C6: variants seen among roughly 807,000 people sequenced by gnomAD.
The protein encoded by C6 is complement component C6.
In C6, 101 loss-of-function variants were observed where a neutral mutation model predicts 112.9. The observed-to-expected ratio is 0.89, with a 90% CI of 0.76 to 1.06. The LOEUF is 1.06. Ranked by LOEUF, C6 falls within the 50% of genes least tolerant of loss-of-function variation. The pLI is 0.00. For missense variants in C6, 1,202 were observed against 1,104.6 expected, an observed-to-expected ratio of 1.09 and a Z score of -1.25; for synonymous variants, 431 against 384.1, an observed-to-expected ratio of 1.12 and a Z score of -1.43.
intron 1 of C6, among the ~76,000 whole-genome samples, chr5:41,259,949 G>T (rs998772780): frequency 1.3e-5 from 2 of 152,132 alleles, no homozygotes; most frequent in African/African-American, 4.8e-5. Flanking sequence ...AGCCTGGGCT[G>T]TCCCCACACA....
Position 41,203,251 on chromosome 5 carries a change from C to T in C6, c.-20-1G>A. ...GCCATGCCTTGAGAGCCTCCAGGCC[C>T]TAAAATGAAAGAATACATAACACAT... On this transcript the variant is annotated splice_acceptor_variant, in intron 1 of 17. Coordinates refer to ENST00000337836, the MANE Select transcript of C6 (RefSeq NM_000065.5). LOFTEE classifies it low-confidence loss of function (5UTR_SPLICE). 6.2e-7 allele frequency: 1 copy of T among 1,613,682 alleles called. No individual in the cohort carries two copies. Among genetic ancestry groups the T allele is most frequent in the Non-Finnish European group, 8.5e-7 (1 of 1,179,692 alleles).
At chr5:41,157,991 T>G (rs1747079740) in intron 13 of C6, among the ~76,000 whole-genome samples, 1 of 152,152 alleles carries the variant, frequency 6.6e-6, no homozygotes, top group South Asian at 2.1e-4. Context: ...TATTGATCTT[T>G]TATCATAAGT....
chr5:41,158,592 A>G (rs1580066149), intron 13 of C6, 82 bp downstream of exon 13: 5 of 778,872 alleles, frequency 6.4e-6, no homozygotes, highest in East Asian at 5.0e-5. Context: ...GAATAGGAAA[A>G]CAGTAACTCT....
intron 1 of C6, among the ~76,000 whole-genome samples, chr5:41,231,683 A>G (rs1739908730): frequency 6.6e-6 from 1 of 151,990 alleles, no homozygotes; most frequent in Admixed American, 6.6e-5. Flanking sequence ...TTTTTAAAGT[A>G]CTAATTAGAC....
At chr5:41,215,687 A>G (rs921723906), upstream of C6, among the ~76,000 whole-genome samples, 3 of 152,130 alleles carry the variant, frequency 2.0e-5, no homozygotes, top group African/African-American at 7.2e-5. Context: ...AGAAGGGTGC[A>G]GGAGAAAATG....
intron 1 of C6, among the ~76,000 whole-genome samples, chr5:41,205,987 C>G (rs1751407702): frequency 1.3e-5 from 2 of 152,194 alleles, no homozygotes; most frequent in Non-Finnish European, 2.9e-5. Context: ...CGACTGACAC[C>G]TCATACAGCT....
At chr5:41,228,730 TC>T (rs922318028) in intron 1 of C6, among the ~76,000 whole-genome samples, 26 of 152,296 alleles carry the variant, frequency 1.7e-4, no homozygotes, top group African/African-American at 6.3e-4. Flanking sequence ...TTTTTGTTTT[TC>T]CTTATGTTAA....
At chr5:41,230,861 G>T (rs545976275) in intron 1 of C6, among the ~76,000 whole-genome samples, 28 of 152,204 alleles carry the variant, frequency 1.8e-4, no homozygotes, top group Admixed American at 5.9e-4. Flanking sequence ...GACACTTAGA[G>T]AAAATAGAAA....
chr5:41,147,992 A>G (rs777522903), intron 17 of C6, among the ~76,000 whole-genome samples: 2 of 152,216 alleles, frequency 1.3e-5, no homozygotes, highest in Admixed American at 6.5e-5. Context: ...AGTCTTTACT[A>G]TATGTTCTAG....
intron 5 of C6, among the ~76,000 whole-genome samples, chr5:41,187,085 G>A (rs998390725): frequency 1.3e-5 from 2 of 152,084 alleles, no homozygotes; most frequent in Non-Finnish European, 2.9e-5. Context: ...AATATAAATT[G>A]TCAGTCTCCA....
At chr5:41,148,482 A>G (rs957333231) in intron 17 of C6, among the ~76,000 whole-genome samples, 2 of 152,194 alleles carry the variant, frequency 1.3e-5, no homozygotes, top group Admixed American at 1.3e-4. Context: ...GAGTCACCCC[A>G]AATTAGAGTG....
upstream of C6, among the ~76,000 whole-genome samples, chr5:41,217,810 A>C (rs1752246500): frequency 6.6e-6 from 1 of 152,028 alleles, no homozygotes; most frequent in South Asian, 2.1e-4. Flanking sequence ...GCTTTGTGGG[A>C]AAAGGCAGAA....
intron 15 of C6, among the ~76,000 whole-genome samples, chr5:41,150,357 T>C (rs369108233): frequency 1.3e-5 from 2 of 152,114 alleles, no homozygotes; most frequent in African/African-American, 4.8e-5. Flanking sequence ...CTGGAGAGAG[T>C]AGATTGAGCA....
At chr5:41,200,682 T>C (rs984902750) in intron 3 of C6, among the ~76,000 whole-genome samples, 1 of 152,144 alleles carries the variant, frequency 6.6e-6, no homozygotes, top group African/African-American at 2.4e-5. Flanking sequence ...CGGCCCTAAC[T>C]GTGGTTCACA....
At chr5:41,169,287 A>T (rs1304049675) in intron 9 of C6, among the ~76,000 whole-genome samples, 1 of 152,186 alleles carries the variant, frequency 6.6e-6, no homozygotes, top group South Asian at 2.1e-4. Context: ...GCATATGCAT[A>T]TGCATGTGCA....
At chr5:41,184,462 A>C (rs1463204615) in intron 6 of C6, among the ~76,000 whole-genome samples, 1 of 146,770 alleles carries the variant, frequency 6.8e-6, no homozygotes, top group Non-Finnish European at 1.5e-5. Flanking sequence ...ATAAGCCTAA[A>C]TTTTCTTTTC....
chr5:41,155,245 C>G, intron 13 of C6, 141 bp from the exon 14 acceptor site: 1 of 749,734 alleles, frequency 1.3e-6, no homozygotes, highest in African/African-American at 1.8e-5. Context: ...TTCTAAAAAC[C>G]TGTTAAAGTT....
rs760389028 is a variant in C6, at chr5:41,160,356, G to T, written c.1470C>A (p.Ile490=). The change falls in exon 11 of 18, where the codon ATC becomes ATA. Residue 490 remains isoleucine, a synonymous_variant. Transcript: ENST00000337836. ...AGGGGATGTTTCTTACCAAGTCCAC[G>T]ATGGGGGCAAGCTAGGAGAAAATGG... The part of the protein sequence containing the change: ...PAVIDFELAP[I]VDLVRNIPCA... 5 of 1,613,562 alleles carry T rather than the reference G, an allele frequency of 3.1e-6. No homozygotes were observed. Among genetic ancestry groups the T allele is most frequent in the Non-Finnish European group, 4.2e-6 (5 of 1,179,598 alleles).
At chr5:41,221,056 G>A (rs1030664210) in intron 1 of C6, among the ~76,000 whole-genome samples, 11 of 150,356 alleles carry the variant, frequency 7.3e-5, no homozygotes, top group Non-Finnish European at 1.3e-4. Flanking sequence ...AGAAACACAA[G>A]ACTTAAAGCA....
Sources: gnomAD v4.1 joint callset for allele counts (sites outside exome capture counted in the v4.1 genomes callset) on GRCh38, gnomAD v4.1.1 for gene constraint, MANE v1.5 for transcripts, NCBI Gene and HGNC (gene_info 2026-07-23, HGNC 2026-07-21) for gene names.